TMEM62: variants seen among roughly 807,000 people sequenced by gnomAD.
TMEM62 encodes the protein transmembrane protein 62.
TMEM62 carries 41 observed loss-of-function variants against 70.4 expected under a neutral mutation model. The observed-to-expected ratio is 0.58, with a 90% confidence interval of 0.45 to 0.76. The LOEUF (loss-of-function observed/expected upper bound fraction) is 0.76. Among genes scored for constraint, TMEM62 ranks in the 30% least tolerant of loss-of-function variants. TMEM62 has a pLI of 0.00. For synonymous variants in TMEM62, 268 were observed against 291.0 expected, an observed-to-expected ratio of 0.92 and a Z score of 0.80; for missense variants, 688 against 788.5, an observed-to-expected ratio of 0.87 and a Z score of 1.53.
intron 10 of TMEM62, among the ~76,000 whole-genome samples, chr15:43,167,985 G>A (rs2039727065): frequency 1.3e-5 from 2 of 152,094 alleles, no homozygotes; most frequent in African/African-American, 2.4e-5. Flanking sequence ...CCAGTCAGGC[G>A]TGGCGGCGCA....
Position 43,184,036 on chromosome 15 carries a change from C to A in TMEM62, c.1606-224C>A, listed in dbSNP as rs2041650728. 1.0e-5 allele frequency: 6 copies of A among 584,298 alleles called. No individual in the cohort carries two copies. In the East Asian group the frequency reaches 1.7e-4, roughly 16 times the overall value. 36.2% of individuals were successfully genotyped at this position (584,298 alleles called of 1,614,324 possible). On this transcript the variant is annotated intron_variant, in intron 13 of 13. Coordinates refer to ENST00000260403, the MANE Select transcript of TMEM62 (RefSeq NM_024956.4). ...GATACTGTACTACAAGTTGGGACTT[C>A]AGCATAAATTAAATGATACCTGCCT...
chr15:43,133,700 C>T lies in TMEM62; in HGVS notation c.-103C>T, dbSNP rs2034714326. On this transcript the variant is annotated 5_prime_UTR_variant, in exon 1 of 14. Transcript: ENST00000260403. ...GCGCCGGCCCCGCATCCAGCTCTGG[C>T]CCTGCGACAATAGAGTCCGGAAGTG... is the stretch of plus-strand genomic sequence containing the variant. 2.4e-6 allele frequency: 2 copies of T among 825,486 alleles called. No homozygotes were observed. The highest frequency in any genetic ancestry group is 1.6e-6 in the Non-Finnish European group (1 of 614,016). The allele number at this position is 825,486 out of a possible 1,614,324, so 51.1% of individuals were successfully genotyped here.
chr15:43,161,494 G>T (rs913161047), intron 10 of TMEM62, among the ~76,000 whole-genome samples: 3 of 152,022 alleles, frequency 2.0e-5, no homozygotes, highest in Non-Finnish European at 4.4e-5. Flanking sequence ...AGAAAACTTG[G>T]AAAATTTAGA....
At chr15:43,149,736 T>A (rs898423721) in intron 7 of TMEM62, among the ~76,000 whole-genome samples, 20 of 152,264 alleles carry the variant, frequency 1.3e-4, no homozygotes, top group Non-Finnish European at 2.2e-4. Context: ...CTGCCTTTTT[T>A]AAAAGCCCTC....
intron 7 of TMEM62, among the ~76,000 whole-genome samples, chr15:43,149,855 A>T (rs1342925082): frequency 6.6e-6 from 1 of 152,236 alleles, no homozygotes; most frequent in Non-Finnish European, 1.5e-5. Context: ...GATGGTAGTG[A>T]TTTAACTTCT....
In TMEM62 at chr15:43,133,970, C is replaced by CT; in HGVS notation, c.169dup (p.Trp57LeufsTer28). 4 of 1,452,574 alleles carry CT rather than the reference C, an allele frequency of 2.8e-6. No homozygotes were observed. The highest frequency in any genetic ancestry group is 3.6e-6 in the Non-Finnish European group (4 of 1,109,142). The allele number at this position is 1,452,574 out of a possible 1,614,324, so 90.0% of individuals were successfully genotyped here. On this transcript the variant is annotated frameshift_variant, in exon 1 of 14. Coordinates refer to ENST00000260403, the MANE Select transcript of TMEM62 (RefSeq NM_024956.4). LOFTEE classifies it high-confidence loss of function. ...CAGGGCCCGGAGACAGCAACATCTT[C>CT]TGGGGCCTGCAGGTGACGCGGCGGG...
In TMEM62 at chr15:43,157,493, A is replaced by C. The variant is rs150349979; in HGVS notation, c.1182+2662A>C. ...TTAATATAAGCACATTTTGAGCAAT[A>C]AAAGCTTAAAAAACACAACTGTAAG... On this transcript the variant is annotated intron_variant, in intron 9 of 13. Coordinates refer to ENST00000260403, the MANE Select transcript of TMEM62 (RefSeq NM_024956.4). Among the ~76,000 whole-genome samples the C allele has an allele frequency of 2.4e-4, 36 of 152,286 alleles. No individual in the cohort carries two copies. The East Asian group carries it at 6.7e-3, about 29-fold the overall frequency.
chr15:43,145,614 A>G (rs1247287838), intron 4 of TMEM62, among the ~76,000 whole-genome samples: 2 of 152,172 alleles, frequency 1.3e-5, no homozygotes, highest in African/African-American at 4.8e-5. Context: ...TCTATATCAT[A>G]TATTTACTCG....
chr15:43,139,593 A>G (rs893390336), intron 4 of TMEM62, among the ~76,000 whole-genome samples: 3 of 152,240 alleles, frequency 2.0e-5, no homozygotes, highest in African/African-American at 7.2e-5. Flanking sequence ...GTGCTCCTCC[A>G]GTGAACAGAT....
intron 4 of TMEM62, among the ~76,000 whole-genome samples, chr15:43,141,994 C>A (rs2036075803): frequency 6.6e-6 from 1 of 152,110 alleles, no homozygotes; most frequent in Non-Finnish European, 1.5e-5. Flanking sequence ...AAAGTGGTTT[C>A]TTGAGAAGGA....
At position 43,133,705 on chromosome 15, in the gene TMEM62, C is replaced by A. The variant is rs970077518; in HGVS notation, c.-98C>A. ...GGCCCCGCATCCAGCTCTGGCCCTG[C>A]GACAATAGAGTCCGGAAGTGCAGGC... On this transcript the variant is annotated 5_prime_UTR_variant, in exon 1 of 14. Coordinates refer to ENST00000260403, the MANE Select transcript of TMEM62 (RefSeq NM_024956.4). 4 of 876,658 alleles carry A rather than the reference C, an allele frequency of 4.6e-6. No homozygotes were observed. The highest frequency in any genetic ancestry group is 1.8e-5 in the African/African-American group (1 of 56,736). The allele number at this position is 876,658 out of a possible 1,614,324, so 54.3% of individuals were successfully genotyped here.
intron 10 of TMEM62, among the ~76,000 whole-genome samples, chr15:43,165,412 A>T (rs1371879926): frequency 6.6e-6 from 1 of 152,264 alleles, no homozygotes; most frequent in South Asian, 2.1e-4. Context: ...TTGATTTTTT[A>T]AAATTATTGT....
At chr15:43,153,277 C>T (rs2037629594) in intron 8 of TMEM62, among the ~76,000 whole-genome samples, 1 of 152,044 alleles carries the variant, frequency 6.6e-6, no homozygotes, top group African/African-American at 2.4e-5. Context: ...ACAAAGTACA[C>T]ATGGCATAAA....
At chr15:43,145,612 A>G (rs969458557) in intron 4 of TMEM62, among the ~76,000 whole-genome samples, 2 of 152,190 alleles carry the variant, frequency 1.3e-5, no homozygotes, top group African/African-American at 2.4e-5. Context: ...TGTCTATATC[A>G]TATATTTACT....
At chr15:43,177,062 C>T (rs552921910) in intron 11 of TMEM62, among the ~76,000 whole-genome samples, 5 of 151,886 alleles carry the variant, frequency 3.3e-5, no homozygotes, top group African/African-American at 7.3e-5. Flanking sequence ...GGAGCCGATG[C>T]GATCAACTGG....
rs1266910163 is a variant in TMEM62 at position 43,178,621 on chromosome 15, A to G, written c.1396A>G (p.Ile466Val). The G allele has an allele frequency of 2.5e-6, 4 of 1,609,748 alleles. No individual in the cohort carries two copies. Among genetic ancestry groups the G allele is most frequent in the Non-Finnish European group, 3.4e-6 (4 of 1,176,582 alleles). Reference protein sequence around the residue: ...YPELKEPSGFINLTSFSLHVL... With the variant: ...YPELKEPSGFVNLTSFSLHVL... ...ATGTTTTTTAGAACCTTCAGGGTTT[A>G]TAAATCTGACCTCATTTTCTCTTCA... Residue 466 changes from isoleucine (I) to valine (V), a missense_variant, in exon 12 of 14, where the codon ATA (isoleucine) becomes GTA (valine). By Grantham distance (29) the Ile-to-Val change is conservative. Coordinates refer to ENST00000260403, the MANE Select transcript of TMEM62 (RefSeq NM_024956.4).
At chr15:43,147,690 G>A (rs2036848070) in intron 5 of TMEM62, among the ~76,000 whole-genome samples, 1 of 152,148 alleles carries the variant, frequency 6.6e-6, no homozygotes, top group African/African-American at 2.4e-5. Context: ...ATTTAATTAG[G>A]TTCTATTTTG....
intron 4 of TMEM62, among the ~76,000 whole-genome samples, chr15:43,141,328 C>A (rs767902842): frequency 3.3e-5 from 5 of 152,166 alleles, no homozygotes; most frequent in African/African-American, 4.8e-5. Context: ...TCCTTGGGTG[C>A]TTAAGCGTTA....
At position 43,164,199 on chromosome 15, in the gene TMEM62, T is replaced by C. The variant is rs2039102813; in HGVS notation, c.1296+3405T>C. On this transcript the variant is annotated intron_variant, in intron 10 of 13. Transcript: ENST00000260403. ...TGCTGAAGCAATTTATAATTTTCTT[T>C]ATTGGTGGATCAGATGTTTGATTCC... Among the ~76,000 whole-genome samples the C allele has an allele frequency of 2.0e-5, 3 of 152,240 alleles. No homozygotes were observed. The South Asian group carries it at 6.2e-4, about 32-fold the overall frequency.
Sources: gnomAD v4.1 joint callset for allele counts (sites outside exome capture counted in the v4.1 genomes callset) on GRCh38, gnomAD v4.1.1 for gene constraint, MANE v1.5 for transcripts, NCBI Gene and HGNC (gene_info 2026-07-23, HGNC 2026-07-21) for gene names.